The following SLC14A2 variants were observed in gnomAD, a reference collection of about 807,000 sequenced individuals.
The protein encoded by SLC14A2 is solute carrier family 14 member 2, also known as urea transporter 2.
A neutral mutation model predicts 104.6 loss-of-function variants in SLC14A2; 91 were observed. That is an observed-to-expected ratio of 0.87 (90% CI 0.73 to 1.04). The LOEUF is 1.04. Among genes scored for constraint, SLC14A2 ranks in the 50% least tolerant of loss-of-function variants. The pLI is 0.00. For synonymous variants in SLC14A2, 476 were observed against 466.4 expected, an observed-to-expected ratio of 1.02 and a Z score of -0.27; for missense variants, 1,189 against 1,156.0, an observed-to-expected ratio of 1.03 and a Z score of -0.41.
chr18:45,198,273 G>A, the SLC14A2 span, among the ~76,000 whole-genome samples: 1 of 152,192 alleles, frequency 6.6e-6, no homozygotes, highest in Middle Eastern at 3.4e-3. Flanking sequence ...TGAATATTTT[G>A]CTATATTGTC....
At chr18:45,426,392 C>T (rs2086426900) in intron 1 of SLC14A2, among the ~76,000 whole-genome samples, 1 of 151,908 alleles carries the variant, frequency 6.6e-6, no homozygotes, top group South Asian at 2.1e-4. Flanking sequence ...AGGCAGAAGA[C>T]ATGCCTCCTT....
At chr18:45,566,121 A>C in intron 2 of SLC14A2, among the ~76,000 whole-genome samples, 1 of 152,234 alleles carries the variant, frequency 6.6e-6, no homozygotes, top group Non-Finnish European at 1.5e-5. Flanking sequence ...AATAACCCAA[A>C]TGTCAATTCA....
intron 1 of SLC14A2, among the ~76,000 whole-genome samples, chr18:45,359,322 C>G (rs891320094): frequency 6.6e-6 from 1 of 152,160 alleles, no homozygotes; most frequent in African/African-American, 2.4e-5. Flanking sequence ...CAGGCCCCCC[C>G]GTCTAGCGTT....
At chr18:45,173,294 A>T in the SLC14A2 span, among the ~76,000 whole-genome samples, 1 of 152,258 alleles carries the variant, frequency 6.6e-6, no homozygotes, top group East Asian at 1.9e-4. Context: ...GATCATTTAA[A>T]TCTAGAAGCA....
At chr18:45,503,082 T>C (rs1285758765) in intron 2 of SLC14A2, among the ~76,000 whole-genome samples, 1 of 152,176 alleles carries the variant, frequency 6.6e-6, no homozygotes, top group Non-Finnish European at 1.5e-5. Context: ...ACCCTTGGAA[T>C]TCTAAGAAGG....
intron 2 of SLC14A2, among the ~76,000 whole-genome samples, chr18:45,504,462 T>C (rs1267674798): frequency 6.6e-6 from 1 of 152,220 alleles, no homozygotes; most frequent in East Asian, 1.9e-4. Flanking sequence ...GTAGCCATAC[T>C]GTGGGTTTGT....
At chr18:45,361,182 G>A (rs945371714) in intron 1 of SLC14A2, among the ~76,000 whole-genome samples, 3 of 152,084 alleles carry the variant, frequency 2.0e-5, no homozygotes, top group African/African-American at 7.2e-5. Flanking sequence ...AAGTCACCCT[G>A]GATTGTAGTC....
At chr18:45,170,062 G>A in the SLC14A2 span, among the ~76,000 whole-genome samples, 15 of 152,208 alleles carry the variant, frequency 9.9e-5, no homozygotes, top group Non-Finnish European at 1.5e-4. Flanking sequence ...AGATGGTATG[G>A]TAGCTAAAGC....
At chr18:45,226,846 A>G (rs1240651141) in intron 1 of SLC14A2, among the ~76,000 whole-genome samples, 1 of 152,128 alleles carries the variant, frequency 6.6e-6, no homozygotes, top group East Asian at 1.9e-4. Flanking sequence ...GCAAGTAATG[A>G]AAACTGGACT....
chr18:45,412,760 C>A (rs1409488884), intron 1 of SLC14A2, among the ~76,000 whole-genome samples: 1 of 152,186 alleles, frequency 6.6e-6, no homozygotes, highest in Non-Finnish European at 1.5e-5. Context: ...GGGACTTGCC[C>A]TTTCCTGTTT....
At position 45,217,102 on chromosome 18, in the gene SLC14A2, A is replaced by T. The variant is rs2143981770; in HGVS notation, c.-125+3911A>T. On this transcript the variant is annotated intron_variant, in intron 1 of 20. Transcript: ENST00000586448. ...TATGTCTCTGTAGATTCAAAACCCA[A>T]TTTTCCTCCTTTCCTTGCACTTCTA... 1.3e-5 allele frequency among the ~76,000 whole-genome samples: 2 copies of T among 151,682 alleles called. 1 individual carries two copies. The highest frequency in any genetic ancestry group is 6.8e-3 in the Middle Eastern group (2 of 292).
chr18:45,555,403 G>A (rs1451198620), intron 2 of SLC14A2, among the ~76,000 whole-genome samples: 1 of 152,162 alleles, frequency 6.6e-6, no homozygotes, highest in East Asian at 1.9e-4. Flanking sequence ...CTTAAGATGG[G>A]ATACATCTAG....
intron 16 of SLC14A2, among the ~76,000 whole-genome samples, chr18:45,671,193 A>G (rs1357137230): frequency 4.6e-5 from 7 of 152,194 alleles, no homozygotes; most frequent in South Asian, 2.1e-4. Context: ...TCACAGTTTC[A>G]GTTGAGAAGA....
intron 1 of SLC14A2, among the ~76,000 whole-genome samples, chr18:45,420,164 A>T (rs1172784908): frequency 6.6e-6 from 1 of 152,090 alleles, no homozygotes; most frequent in African/African-American, 2.4e-5. Context: ...ACATGGCTGG[A>T]AAGTTAGTGC....
intron 1 of SLC14A2, among the ~76,000 whole-genome samples, chr18:45,331,558 G>A (rs1003409449): frequency 6.6e-6 from 1 of 151,996 alleles, no homozygotes; most frequent in Non-Finnish European, 1.5e-5. Flanking sequence ...GGGCGTGGTG[G>A]CGGACACCTG....
At chr18:45,489,894 CTCATT>C (rs1308130487) in intron 2 of SLC14A2, 1 of 152,156 alleles carries the variant, frequency 6.6e-6, no homozygotes, top group Non-Finnish European at 1.5e-5. Flanking sequence ...TCATCTTTAT[CTCATT>C]TCATCAGCTC....
rs1301793683 is a variant in SLC14A2 at position 45,242,045 on chromosome 18, G to C, written c.-125+28854G>C. ...AAAACTTCTGCATTCTACATGCCTA[G>C]GACAGTGTTTCAGAGCACTTTACTG... On this transcript the variant is annotated intron_variant, in intron 1 of 20. Transcript: ENST00000586448. Among the ~76,000 whole-genome samples, 3 of 152,214 alleles carry C rather than the reference G, an allele frequency of 2.0e-5. No individual in the cohort carries two copies. In the East Asian group the frequency reaches 5.8e-4, roughly 29 times the overall value.
intron 1 of SLC14A2, among the ~76,000 whole-genome samples, chr18:45,270,880 C>T (rs1218407537): frequency 6.6e-6 from 1 of 152,148 alleles, no homozygotes; most frequent in Non-Finnish European, 1.5e-5. Flanking sequence ...TTGGGCTTCA[C>T]TCACCAAAAC....
At chr18:45,259,678 G>A (rs1012865101) in intron 1 of SLC14A2, among the ~76,000 whole-genome samples, 1 of 152,116 alleles carries the variant, frequency 6.6e-6, no homozygotes, top group Admixed American at 6.5e-5. Context: ...CACTGAAGGA[G>A]CACTGCACTT....
Sources: allele counts gnomAD v4.1 joint callset (sites outside exome capture counted in the v4.1 genomes callset), GRCh38; gene constraint gnomAD v4.1.1; transcripts MANE v1.5; gene names NCBI Gene and HGNC (gene_info 2026-07-23, HGNC 2026-07-21).